The following TENM2 variants were observed in gnomAD, a reference collection of about 807,000 sequenced individuals.
TENM2 encodes the protein teneurin-2.
Under a neutral mutation model 245.2 loss-of-function variants are expected in TENM2, and 52 were observed. The observed-to-expected ratio is 0.21, with a 90% confidence interval of 0.17 to 0.27. The LOEUF (loss-of-function observed/expected upper bound fraction) is 0.27. Among genes scored for constraint, TENM2 ranks in the 10% least tolerant of loss-of-function variants. TENM2 has a pLI of 1.00. For synonymous variants in TENM2, 1,363 were observed against 1,438.9 expected (o/e 0.95, Z 1.19); for missense variants, 3,046 against 3,666.8 (o/e 0.83, Z 4.37).
intron 4 of TENM2, among the ~76,000 whole-genome samples, chr5:167,959,495 A>G (rs1283918604): frequency 6.6e-6 from 1 of 152,286 alleles, no homozygotes; most frequent in South Asian, 2.1e-4. Flanking sequence ...CTATTTGGCT[A>G]TTGATACTTG....
At chr5:167,882,676 C>G (rs1212508211) in intron 3 of TENM2, among the ~76,000 whole-genome samples, 2 of 152,122 alleles carry the variant, frequency 1.3e-5, no homozygotes, top group African/African-American at 4.8e-5. Flanking sequence ...TGCCAGATGC[C>G]TATAAAACCA....
Position 168,247,718 on chromosome 5 carries a change from T to C in TENM2, c.6779T>C (p.Val2260Ala), listed in dbSNP as rs757349389. The C allele has an allele frequency of 3.1e-6, 5 of 1,613,758 alleles. No individual in the cohort carries two copies. Among genetic ancestry groups the C allele is most frequent in the Non-Finnish European group, 4.2e-6 (5 of 1,179,894 alleles). Reference sequence around the variant, plus strand: ...GATCGGATAACCAGACTCGGGGATGTGCAGTACAAAATTGACGACGATGGC... The same window carrying C: ...GATCGGATAACCAGACTCGGGGATGCGCAGTACAAAATTGACGACGATGGC... Residue 2260 changes from valine (V) to alanine (A), a missense_variant, in exon 27 of 29, where the codon GTG becomes GCG. Val to Ala is a moderately conservative substitution (Grantham distance 64). Around this residue, in one of 2 missense-constraint regions of TENM2, gnomAD observed 2,704 missense variants for 3,331.9 expected, o/e 0.81. Transcript: ENST00000518659. The surrounding 1 kb of genome is among the most constrained non-coding windows in gnomAD (Gnocchi z 7.8).
At chr5:167,720,577 T>C (rs1001656959) in intron 2 of TENM2, among the ~76,000 whole-genome samples, 8 of 152,250 alleles carry the variant, frequency 5.3e-5, no homozygotes, top group African/African-American at 1.9e-4. Flanking sequence ...TGAGTAGTTA[T>C]AGCAGATGCT....
intron 2 of TENM2, among the ~76,000 whole-genome samples, chr5:167,754,728 C>CAAAAAAA (rs10663941): frequency 6.9e-6 from 1 of 145,196 alleles, no homozygotes; most frequent in Non-Finnish European, 1.5e-5. Context: ...AGAGATATTT[C>CAAAAAAA]AAAAAAAAAA....
At chr5:168,109,790 C>T (rs1365800951) in intron 9 of TENM2, among the ~76,000 whole-genome samples, 2 of 152,156 alleles carry the variant, frequency 1.3e-5, no homozygotes, top group South Asian at 2.1e-4. Context: ...TCGAGGCAGT[C>T]GCATCACTTT....
At chr5:167,772,261 A>G (rs1417460648) in intron 2 of TENM2, among the ~76,000 whole-genome samples, 1 of 152,222 alleles carries the variant, frequency 6.6e-6, no homozygotes, top group Non-Finnish European at 1.5e-5. Context: ...TGAGAAAATA[A>G]TATATCAAAA....
At chr5:167,763,665 T>A (rs1277906927) in intron 2 of TENM2, among the ~76,000 whole-genome samples, 1 of 152,190 alleles carries the variant, frequency 6.6e-6, no homozygotes, top group African/African-American at 2.4e-5. Context: ...TTACCACTTA[T>A]GTCTTGAATA....
At chr5:167,866,515 A>AG (rs1434325318) in intron 2 of TENM2, among the ~76,000 whole-genome samples, 41 of 149,992 alleles carry the variant, frequency 2.7e-4, no homozygotes, top group Middle Eastern at 3.4e-3. Context: ...AAAAAAAAAA[A>AG]AGTATTTGCC....
At chr5:167,252,916 G>A in the TENM2 span, among the ~76,000 whole-genome samples, 14 of 152,046 alleles carry the variant, frequency 9.2e-5, no homozygotes, top group Non-Finnish European at 1.6e-4. Flanking sequence ...CTGGCCTTAC[G>A]TGTCATAGCT....
intron 5 of TENM2, among the ~76,000 whole-genome samples, chr5:168,021,248 G>T (rs139913606): frequency 6.6e-6 from 1 of 152,190 alleles, no homozygotes; most frequent in South Asian, 2.1e-4. Flanking sequence ...CACTTCTTAG[G>T]CATGAGGGCA....
At chr5:167,139,762 C>T in the TENM2 span, among the ~76,000 whole-genome samples, 201 of 152,126 alleles carry the variant, frequency 1.3e-3, no homozygotes, top group African/African-American at 4.5e-3. Context: ...AAAATGAACA[C>T]GTGCCAGAAG....
chr5:167,944,973 C>T (rs1248658151), intron 3 of TENM2, among the ~76,000 whole-genome samples: 1 of 152,150 alleles, frequency 6.6e-6, no homozygotes, highest in Admixed American at 6.6e-5. Context: ...GTTAAAGGAG[C>T]CCTAGAGGTA....
chr5:167,121,563 G>A, the TENM2 span, among the ~76,000 whole-genome samples: 2 of 152,352 alleles, frequency 1.3e-5, no homozygotes, highest in African/African-American at 2.4e-5. Flanking sequence ...GGAGAGTTGG[G>A]CACAGGCCAA....
chr5:167,761,532 C>T (rs1762669369), intron 2 of TENM2, among the ~76,000 whole-genome samples: 1 of 152,096 alleles, frequency 6.6e-6, no homozygotes, highest in East Asian at 1.9e-4. Flanking sequence ...AAATCATGTT[C>T]TATCAAAATA....
chr5:167,876,338 G>C (rs140450711), intron 3 of TENM2, 143 bp downstream of exon 5: 18 of 718,672 alleles, frequency 2.5e-5, no homozygotes, highest in Non-Finnish European at 4.2e-5. Flanking sequence ...TCATTTTGTG[G>C]CATGGTATTT....
At chr5:167,794,301 C>T (rs1277586477) in intron 2 of TENM2, among the ~76,000 whole-genome samples, 2 of 152,110 alleles carry the variant, frequency 1.3e-5, no homozygotes, top group African/African-American at 4.8e-5. Context: ...CACGTGTTTA[C>T]TTCAAAGTTG....
At chr5:167,312,186 A>T (rs1050014766) in intron 1 of TENM2, among the ~76,000 whole-genome samples, 3 of 152,084 alleles carry the variant, frequency 2.0e-5, no homozygotes, top group Non-Finnish European at 4.4e-5. Context: ...CATATTACAC[A>T]TATTAAACAC....
chr5:167,610,590 C>A (rs1196602646), intron 2 of TENM2, among the ~76,000 whole-genome samples: 1 of 152,140 alleles, frequency 6.6e-6, no homozygotes, highest in African/African-American at 2.4e-5. Flanking sequence ...TATATTACTT[C>A]TTATATCATA....
chr5:166,980,293 G>A, the TENM2 span, among the ~76,000 whole-genome samples: 1 of 152,250 alleles, frequency 6.6e-6, no homozygotes, highest in East Asian at 1.9e-4. Flanking sequence ...TGTGAGACAC[G>A]TACAGCAATA....
Sources: gnomAD v4.1 joint callset for allele counts (sites outside exome capture counted in the v4.1 genomes callset) on GRCh38, gnomAD v4.1.1 for gene constraint, gnomAD v4.1.1 regional missense constraint, Gnocchi (gnomAD v3.1) non-coding constraint, MANE v1.5 for transcripts, NCBI Gene and HGNC (gene_info 2026-07-23, HGNC 2026-07-21) for gene names.